Variants in ABI3BP observed in about 807,000 individuals in gnomAD.
ABI3BP encodes target of Nesh-SH3.
Under a neutral mutation model 268.6 loss-of-function variants are expected in ABI3BP, and 216 were observed. That is an observed-to-expected ratio of 0.80 (90% CI 0.72 to 0.90). The LOEUF (loss-of-function observed/expected upper bound fraction) is 0.90, where lower values mean the gene tolerates loss of function less well. ABI3BP is among the 40% of genes least tolerant of loss of function. The probability of loss-of-function intolerance (pLI) is 0.00; values close to 1 mark genes in which losing one functional copy is unlikely to be tolerated. For missense variants in ABI3BP, 2,090 were observed against 2,182.4 expected, an observed-to-expected ratio of 0.96 and a Z score of 0.84; for synonymous variants, 730 against 730.0, an observed-to-expected ratio of 1.00 and a Z score of 0.00.
intron 2 of ABI3BP, among the ~76,000 whole-genome samples, chr3:100,923,198 C>T (rs1202778307): frequency 1.3e-5 from 2 of 152,138 alleles, no homozygotes; most frequent in Non-Finnish European, 2.9e-5. Flanking sequence ...CTTTGAGATG[C>T]ACAGTGACCT....
At chr3:100,766,645 C>A (rs1239110633) in intron 62 of ABI3BP, among the ~76,000 whole-genome samples, 1 of 152,176 alleles carries the variant, frequency 6.6e-6, no homozygotes, top group African/African-American at 2.4e-5. Flanking sequence ...TTTCTATGAA[C>A]TTGCAGGGCT....
chr3:100,867,451 C>T (rs1049907011), intron 9 of ABI3BP, among the ~76,000 whole-genome samples: 11 of 151,700 alleles, frequency 7.3e-5, no homozygotes, highest in Non-Finnish European at 1.3e-4. Context: ...ACCATCCTGA[C>T]TAACACGGTG....
chr3:100,854,686 A>T (rs4279137), intron 14 of ABI3BP, among the ~76,000 whole-genome samples: 52,544 of 152,106 alleles, frequency 0.35, 9,541 homozygotes, highest in African/African-American at 0.44. Context: ...AAGCAGTATT[A>T]CTGATTTTGC....
Position 100,752,691 on chromosome 3 carries a change from C to T in ABI3BP, c.5122+96G>A, listed in dbSNP as rs892267554. On this transcript the variant is annotated intron_variant, in intron 66 of 67. Coordinates refer to ENST00000471714, the MANE Select transcript of ABI3BP (RefSeq NM_001375547.2). ...AAAACTTGTGTTTACAGCACCCATT[C>T]GTGCCTGAAACTCTTAAGAAAAGGC... The T allele has an allele frequency of 2.1e-5, 28 of 1,356,150 alleles. 1 individual carries two copies. In the Admixed American group the frequency reaches 5.5e-4, roughly 26 times the overall value. 84.0% of individuals were successfully genotyped at this position (1,356,150 alleles called of 1,614,324 possible).
intron 14 of ABI3BP, among the ~76,000 whole-genome samples, chr3:100,858,649 C>T (rs1025145561): frequency 2.6e-5 from 4 of 152,148 alleles, no homozygotes; most frequent in African/African-American, 7.2e-5. Context: ...CATTTAATGG[C>T]TGATAAAGAG....
chr3:100,967,149 T>G (rs1046830485), intron 1 of ABI3BP, among the ~76,000 whole-genome samples: 15 of 152,160 alleles, frequency 9.9e-5, no homozygotes, highest in African/African-American at 3.6e-4. Flanking sequence ...TCTTGTTGGA[T>G]TCCTATCAAT....
At chr3:100,973,851 TCCC>T (rs1374953102) in intron 1 of ABI3BP, among the ~76,000 whole-genome samples, 1 of 152,156 alleles carries the variant, frequency 6.6e-6, no homozygotes, top group African/African-American at 2.4e-5. Context: ...TTTTGAAAGT[TCCC>T]TCTGTGCCAG....
chr3:100,868,727 C>T (rs1048920924), intron 9 of ABI3BP, among the ~76,000 whole-genome samples: 9 of 152,146 alleles, frequency 5.9e-5, no homozygotes, highest in African/African-American at 2.2e-4. Flanking sequence ...TCTGAAGTTG[C>T]AAAGCATGTT....
intron 42 of ABI3BP, among the ~76,000 whole-genome samples, chr3:100,817,170 G>A (rs928753819): frequency 1.3e-5 from 2 of 152,194 alleles, no homozygotes; most frequent in African/African-American, 2.4e-5. Context: ...CATGAATGCT[G>A]TTTAGACAAA....
At chr3:100,871,797 A>T (rs1163866874) in intron 9 of ABI3BP, among the ~76,000 whole-genome samples, 1 of 152,138 alleles carries the variant, frequency 6.6e-6, no homozygotes, top group Non-Finnish European at 1.5e-5. Flanking sequence ...AGTGTGTAAG[A>T]AATTCTCCAT....
In ABI3BP at chr3:100,824,870, C is replaced by T; in HGVS notation, c.2734G>A (p.Glu912Lys). 6.5e-7 allele frequency: 1 copy of T among 1,536,004 alleles called. No individual in the cohort carries two copies. The change falls in exon 36 of 68, where the codon GAG (glutamate) becomes AAG (lysine). Residue 912 changes from glutamate (E) to lysine (K), a missense_variant. Physicochemically the swap from Glu to Lys is moderately conservative, Grantham distance 56. Transcript: ENST00000471714. ...PKTTPSPQAPETKPVPATVLE... is the reference protein window; with the variant it reads ...PKTTPSPQAPKTKPVPATVLE... ...ATCACAGATTTACCAGGTTTGGTCT[C>T]AGGTGCCTGAGGGCTCGGTGTAGTT... is the stretch of plus-strand genomic sequence containing the variant.
rs539324822 is a variant in ABI3BP at position 100,978,943 on chromosome 3, G to A, written c.79+14363C>T. ...GGGTGGGAGGAGTGAAAGTGGGGGA[G>A]GTTAGGGGAGGCAGGATTCTGCATA... On this transcript the variant is annotated intron_variant, in intron 1 of 67. Coordinates refer to ENST00000471714, the MANE Select transcript of ABI3BP (RefSeq NM_001375547.2). Among the ~76,000 whole-genome samples, 8 of 152,310 alleles carry A rather than the reference G, an allele frequency of 5.3e-5. No homozygotes were observed. In the East Asian group the frequency reaches 1.4e-3, roughly 26 times the overall value.
intron 1 of ABI3BP, among the ~76,000 whole-genome samples, chr3:100,960,058 T>C (rs941914306): frequency 2.0e-5 from 3 of 152,330 alleles, no homozygotes; most frequent in East Asian, 1.9e-4. Flanking sequence ...ACACAGATGT[T>C]GGAACTATTA....
rs1414071264 is a variant in ABI3BP, at chr3:100,875,486, ATAG to A, written c.817+19_817+21del. 9.1e-5 allele frequency: 24 copies of A among 263,834 alleles called. No individual in the cohort carries two copies. Among genetic ancestry groups the A allele is most frequent in the Admixed American group, 4.9e-4 (3 of 6,166 alleles). The allele number at this position is 263,834 out of a possible 1,614,324, so 16.3% of individuals were successfully genotyped here. ...ATAGCCCGATTTGCTTAATCTCGGC[ATAG>A]ATTTCGAGATCCACTCACCTAGTAT... On this transcript the variant is annotated intron_variant, in intron 8 of 67. Coordinates refer to ENST00000471714, the MANE Select transcript of ABI3BP (RefSeq NM_001375547.2).
chr3:100,753,825 CTG>C lies in ABI3BP; in HGVS notation c.4952_4953del (p.Pro1651ArgfsTer11), dbSNP rs1279485757. The C allele has an allele frequency of 6.2e-7, 1 of 1,611,294 alleles. No individual in the cohort carries two copies. The highest frequency in any genetic ancestry group is 1.7e-5 in the Admixed American group (1 of 59,650). On this transcript the variant is annotated frameshift_variant, in exon 65 of 68. Coordinates refer to ENST00000471714, the MANE Select transcript of ABI3BP (RefSeq NM_001375547.2). LOFTEE classifies it high-confidence loss of function. ...TESADPRVSE[P>X]VSAGRDAIWT... Reference sequence around the variant, plus strand: ...CATTGAGACAGGTACTTACCAGAAACTGGCTCACTCACTCTTGGGTCCGCTGA... The same window carrying C: ...CATTGAGACAGGTACTTACCAGAAACGCTCACTCACTCTTGGGTCCGCTGA...
intron 20 of ABI3BP, 128 bp from the exon 21 acceptor site, chr3:100,842,167 G>T: frequency 1.4e-6 from 1 of 726,096 alleles, no homozygotes; most frequent in Non-Finnish European, 2.2e-6. Flanking sequence ...GCTTCTGCCA[G>T]TGAAGTTCAA....
chr3:100,789,370 C>T, intron 56 of ABI3BP, 84 bp downstream of exon 56: 1 of 1,308,038 alleles, frequency 7.6e-7, no homozygotes, highest in South Asian at 1.3e-5. Flanking sequence ...GTAAGGGTTC[C>T]CCTTTGGTGT....
Position 100,857,095 on chromosome 3 carries a change from T to G in ABI3BP, c.1286-5155A>C, listed in dbSNP as rs540684451. ...CTGCATGTCTTTTCCATTCTCAAACTTTTTTTTACAAGTGAAATGAAGACC... is the reference window on the plus strand; with the variant it reads ...CTGCATGTCTTTTCCATTCTCAAACGTTTTTTTACAAGTGAAATGAAGACC... On this transcript the variant is annotated intron_variant, in intron 14 of 67. Transcript: ENST00000471714. 5.9e-5 allele frequency among the ~76,000 whole-genome samples: 9 copies of G among 152,166 alleles called. No individual in the cohort carries two copies. In the South Asian group the frequency reaches 1.9e-3, roughly 32 times the overall value.
At chr3:100,819,324 C>T (rs1443004941) in intron 40 of ABI3BP, among the ~76,000 whole-genome samples, 1 of 152,144 alleles carries the variant, frequency 6.6e-6, no homozygotes, top group Non-Finnish European at 1.5e-5. Flanking sequence ...TTTTAAGACC[C>T]AACTTCTTTC....
Sources: allele counts gnomAD v4.1 joint callset (sites outside exome capture counted in the v4.1 genomes callset), GRCh38; gene constraint gnomAD v4.1.1; transcripts MANE v1.5; gene names NCBI Gene and HGNC (gene_info 2026-07-23, HGNC 2026-07-21).